FMN2: variants seen among roughly 807,000 people sequenced by gnomAD.
FMN2 encodes the protein formin-2.
FMN2 carries 51 observed loss-of-function variants against 142.3 expected under a neutral mutation model. The observed-to-expected ratio is 0.36, with a 90% CI of 0.29 to 0.45. The LOEUF is 0.45. Among genes scored for constraint, FMN2 ranks in the 20% least tolerant of loss-of-function variants. FMN2 has a pLI of 1.00. For synonymous variants in FMN2, 882 were observed against 869.8 expected, an observed-to-expected ratio of 1.01 and a Z score of -0.25; for missense variants, 1,936 against 2,122.8, an observed-to-expected ratio of 0.91 and a Z score of 1.73.
intron 6 of FMN2, among the ~76,000 whole-genome samples, chr1:240,248,374 A>T (rs1572113530): frequency 1.4e-4 from 2 of 13,814 alleles, no homozygotes; most frequent in Non-Finnish European, 2.2e-4. Context: ...TTTATGGATT[A>T]TATATATATA....
Position 240,330,614 on chromosome 1 carries a change from T to C in FMN2, c.4449T>C (p.Asn1483=), listed in dbSNP as rs1381763834. 2 of 1,612,274 alleles carry C rather than the reference T, an allele frequency of 1.2e-6. No individual in the cohort carries two copies. Among genetic ancestry groups the C allele is most frequent in the East Asian group, 2.2e-5 (1 of 44,844 alleles). ...LLQKLCETLK[N]GPGVMQVLGL... is the part of the protein sequence containing the mutation. Reference sequence around the variant, plus strand: ...ATTCTGTTTTACAGACATTAAAAAATGGCCCAGGGGTTATGCAGGTTCTAG... The same window carrying C: ...ATTCTGTTTTACAGACATTAAAAAACGGCCCAGGGGTTATGCAGGTTCTAG... Residue 1483 remains asparagine, a synonymous_variant, in exon 11 of 18, where the codon AAT becomes AAC. Transcript: ENST00000319653.
chr1:240,404,314 AT>A (rs1334585521), intron 15 of FMN2, among the ~76,000 whole-genome samples: 1 of 152,254 alleles, frequency 6.6e-6, no homozygotes, highest in African/African-American at 2.4e-5. Flanking sequence ...TGTTTAGTTC[AT>A]AATAGGCATA....
At chr1:240,257,320 T>C (rs1269688593) in intron 6 of FMN2, among the ~76,000 whole-genome samples, 1 of 152,328 alleles carries the variant, frequency 6.6e-6, no homozygotes, top group East Asian at 1.9e-4. Context: ...GCAGCCCTTT[T>C]AATTTGATGC....
chr1:240,266,737 G>C (rs551939146), intron 7 of FMN2, among the ~76,000 whole-genome samples: 14 of 151,634 alleles, frequency 9.2e-5, no homozygotes, highest in Admixed American at 2.6e-4. Flanking sequence ...GCATGGTACT[G>C]GTACAAAAAG....
rs71646889 is a variant in FMN2 at position 240,207,812 on chromosome 1, G to T, written c.3000G>T (p.Pro1000=). 0.16 allele frequency: 32,725 copies of T among 208,940 alleles called. 1,753 individuals carry two copies. The highest frequency in any genetic ancestry group is 0.28 in the East Asian group (2,782 of 10,018). 12.9% of individuals were successfully genotyped at this position (208,940 alleles called of 1,614,324 possible). A position where few individuals can be genotyped will look rare whatever the true frequency, so the allele number is the denominator to read the frequency against. The stretch of plus-strand genomic sequence containing the variant: ...TTCCCGGAGCGGGCATACCCCCTCC[G>T]CCCCCACTTCCCGGAGCGGGCATAC... ...PPLPGAGIPP[P]PPLPGAGIPP... The change falls in exon 5 of 18, where the codon CCG becomes CCT. Residue 1000 remains proline, a synonymous_variant. Coordinates refer to ENST00000319653, the MANE Select transcript of FMN2 (RefSeq NM_020066.5).
chr1:240,454,132 T>C (rs1428074014), intron 16 of FMN2, among the ~76,000 whole-genome samples: 19 of 152,222 alleles, frequency 1.2e-4, no homozygotes, highest in Non-Finnish European at 1.0e-4. Flanking sequence ...TTTTAAAATA[T>C]TCTTACCATG....
At chr1:240,442,738 G>C (rs1014900709) in intron 16 of FMN2, among the ~76,000 whole-genome samples, 4 of 152,058 alleles carry the variant, frequency 2.6e-5, no homozygotes, top group African/African-American at 9.7e-5. Flanking sequence ...CTATTTTCTT[G>C]CTTCATCCTG....
At chr1:240,150,319 G>A (rs1377163826) in intron 2 of FMN2, among the ~76,000 whole-genome samples, 2 of 152,154 alleles carry the variant, frequency 1.3e-5, no homozygotes, top group Admixed American at 6.5e-5. Flanking sequence ...TCACGCGGGT[G>A]GAAACTGGGT....
chr1:240,439,221 C>T (rs958908182), intron 16 of FMN2, among the ~76,000 whole-genome samples: 2 of 142,418 alleles, frequency 1.4e-5, no homozygotes, highest in Admixed American at 1.5e-4. Context: ...TGCAGTGAGC[C>T]GAGATCATGC....
chr1:240,303,334 G>T (rs1266733418), intron 8 of FMN2, among the ~76,000 whole-genome samples: 1 of 152,186 alleles, frequency 6.6e-6, no homozygotes, highest in Non-Finnish European at 1.5e-5. Context: ...AGCATTTCTT[G>T]TGGTACAGAT....
intron 7 of FMN2, among the ~76,000 whole-genome samples, chr1:240,292,941 TA>T (rs773146043): frequency 3.5e-4 from 54 of 152,274 alleles, no homozygotes; most frequent in Non-Finnish European, 5.6e-4. Context: ...TCAGGTCAAC[TA>T]GGGGGAAGTT....
At chr1:240,240,696 TC>T (rs1667867918) in intron 6 of FMN2, among the ~76,000 whole-genome samples, 1 of 152,218 alleles carries the variant, frequency 6.6e-6, no homozygotes, top group Non-Finnish European at 1.5e-5. Context: ...CTAACTGAAT[TC>T]TAAGTGCTGA....
chr1:240,281,560 T>C (rs894979985), intron 7 of FMN2, among the ~76,000 whole-genome samples: 2 of 152,168 alleles, frequency 1.3e-5, no homozygotes, highest in Non-Finnish European at 2.9e-5. Context: ...CCAGAAGATA[T>C]TCTGTCTTCT....
chr1:240,289,035 T>A (rs1387456313), intron 7 of FMN2, among the ~76,000 whole-genome samples: 1 of 152,212 alleles, frequency 6.6e-6, no homozygotes, highest in African/African-American at 2.4e-5. Flanking sequence ...AGATAATCCA[T>A]GTGTGCTCTG....
chr1:240,123,726 T>C (rs1662388515), intron 2 of FMN2, among the ~76,000 whole-genome samples: 1 of 152,172 alleles, frequency 6.6e-6, no homozygotes, highest in Admixed American at 6.6e-5. Flanking sequence ...TGGCATCAAA[T>C]ACATTGACGT....
At chr1:240,217,231 A>T (rs984182553) in intron 6 of FMN2, among the ~76,000 whole-genome samples, 1 of 152,186 alleles carries the variant, frequency 6.6e-6, no homozygotes, top group Non-Finnish European at 1.5e-5. Context: ...TTTATTGCAG[A>T]TATTCATTTT....
chr1:240,394,880 A>C (rs1011261471), intron 15 of FMN2, among the ~76,000 whole-genome samples: 3 of 152,172 alleles, frequency 2.0e-5, no homozygotes, highest in Non-Finnish European at 4.4e-5. Flanking sequence ...AGGCAGGAGA[A>C]TCGCTTGAAC....
At chr1:240,121,911 C>T (rs1387804432) in intron 1 of FMN2, among the ~76,000 whole-genome samples, 1 of 151,558 alleles carries the variant, frequency 6.6e-6, no homozygotes, top group Non-Finnish European at 1.5e-5. Context: ...CCTGCCTCTT[C>T]GTCTCTTCAT....
Position 240,429,890 on chromosome 1 carries a change from TTTTTG to T in FMN2, c.4911-8166_4911-8162del, listed in dbSNP as rs1249102416. On this transcript the variant is annotated intron_variant, in intron 15 of 17. Transcript: ENST00000319653. The stretch of plus-strand genomic sequence containing the variant: ...TCCTTTTTTGTTTTTTTTTGTTTTT[TTTTTG>T]TTTTTTTTGAGGCAGAGTCTCGCTC... Among the ~76,000 whole-genome samples, 351 of 138,392 alleles carry T rather than the reference TTTTTG, an allele frequency of 2.5e-3. 1 individual carries two copies. Among genetic ancestry groups the T allele is most frequent in the African/African-American group, 0.012 (336 of 28,690 alleles). The allele number at this position is 138,392 out of a possible 152,430, so 90.8% of individuals were successfully genotyped here.
Sources: gnomAD v4.1 joint callset for allele counts (sites outside exome capture counted in the v4.1 genomes callset) on GRCh38, gnomAD v4.1.1 for gene constraint, MANE v1.5 for transcripts, NCBI Gene and HGNC (gene_info 2026-07-23, HGNC 2026-07-21) for gene names.